Variants in DGKB observed in about 807,000 individuals in gnomAD.
DGKB encodes the protein diacylglycerol kinase beta.
Under a neutral mutation model 114.3 loss-of-function variants are expected in DGKB, and 67 were observed. The ratio of observed to expected loss-of-function variants is 0.59; its 90% confidence interval spans 0.48 to 0.72. DGKB has a LOEUF of 0.72. Ranked by LOEUF, DGKB falls within the 30% of genes least tolerant of loss-of-function variation. The probability of loss-of-function intolerance (pLI) is 0.00; values close to 1 mark genes in which losing one functional copy is unlikely to be tolerated. For missense variants in DGKB, 907 were observed against 975.2 expected (o/e 0.93, Z 0.93); for synonymous variants, 398 against 323.1 (o/e 1.23, Z -2.49).
At chr7:14,821,277 A>G (rs1314984279) in intron 2 of DGKB, among the ~76,000 whole-genome samples, 1 of 152,176 alleles carries the variant, frequency 6.6e-6, no homozygotes. Context: ...CCTATTATAT[A>G]TTAAATGCCA....
At chr7:14,655,326 C>T (rs975406170) in intron 13 of DGKB, among the ~76,000 whole-genome samples, 1 of 151,612 alleles carries the variant, frequency 6.6e-6, no homozygotes, top group Non-Finnish European at 1.5e-5. Context: ...CAAATCAAAA[C>T]CACCATAAGA....
intron 5 of DGKB, among the ~76,000 whole-genome samples, chr7:14,732,248 G>C (rs937150947): frequency 6.6e-6 from 1 of 150,876 alleles, no homozygotes; most frequent in African/African-American, 2.4e-5. Flanking sequence ...TTATTTTTTA[G>C]TTGCTGTATA....
At chr7:14,959,965 A>C (rs1014174728) in intron 1 of DGKB, among the ~76,000 whole-genome samples, 15 of 152,098 alleles carry the variant, frequency 9.9e-5, no homozygotes, top group African/African-American at 3.4e-4. Flanking sequence ...GGGAAAACAT[A>C]ACATTTTCTT....
chr7:14,889,340 T>C (rs181272783), intron 1 of DGKB, among the ~76,000 whole-genome samples: 2 of 151,682 alleles, frequency 1.3e-5, no homozygotes, highest in Non-Finnish European at 3.0e-5. Context: ...TGATCTCTTA[T>C]AATCATCTGA....
intron 21 of DGKB, among the ~76,000 whole-genome samples, chr7:14,394,593 G>C (rs1156820564): frequency 2.6e-5 from 4 of 151,948 alleles, no homozygotes; most frequent in Admixed American, 2.0e-4. Context: ...TCAACCCATC[G>C]AACATGAATG....
intron 20 of DGKB, among the ~76,000 whole-genome samples, chr7:14,495,510 C>A (rs1430553548): frequency 6.6e-6 from 1 of 150,920 alleles, no homozygotes; most frequent in Non-Finnish European, 1.5e-5. Context: ...GAAACAAAAC[C>A]AAGATGACAA....
intron 23 of DGKB, among the ~76,000 whole-genome samples, chr7:14,329,891 G>A (rs1283281827): frequency 6.6e-6 from 1 of 151,898 alleles, no homozygotes; most frequent in Non-Finnish European, 1.5e-5. Flanking sequence ...CTACCACTGG[G>A]TACGTTAAAT....
chr7:14,682,481 C>A, intron 12 of DGKB, 72 bp downstream of exon 12: 1 of 1,040,644 alleles, frequency 9.6e-7, no homozygotes, highest in Non-Finnish European at 1.5e-6. Flanking sequence ...TAGGGTAGGA[C>A]TTTCAGAGAG....
At position 14,673,028 on chromosome 7, in the gene DGKB, C is replaced by G. The variant is rs1302111299; in HGVS notation, c.1036-1G>C. 1 of 1,553,172 alleles carries G rather than the reference C, an allele frequency of 6.4e-7. No individual in the cohort carries two copies. The highest frequency in any genetic ancestry group is 8.7e-7 in the Non-Finnish European group (1 of 1,143,956). On this transcript the variant is annotated splice_acceptor_variant, in intron 12 of 25. Transcript: ENST00000402815. LOFTEE classifies it high-confidence loss of function. Reference sequence around the variant, plus strand: ...GATGAGAAGCACATTTATTATGCAGCTAGAAAAACAGAAAGGGGGATAGTA... The same window carrying G: ...GATGAGAAGCACATTTATTATGCAGGTAGAAAAACAGAAAGGGGGATAGTA...
At chr7:14,336,972 A>C (rs2128571105) in intron 23 of DGKB, among the ~76,000 whole-genome samples, 1 of 152,298 alleles carries the variant, frequency 6.6e-6, no homozygotes, top group East Asian at 1.9e-4. Flanking sequence ...CTTAACCTGG[A>C]AATTATTTTG....
intron 1 of DGKB, among the ~76,000 whole-genome samples, chr7:14,895,425 A>C (rs915413776): frequency 6.6e-6 from 1 of 151,546 alleles, no homozygotes; most frequent in Admixed American, 6.6e-5. Context: ...AGTGGTCCTT[A>C]TGCCTCCTGA....
At chr7:14,360,448 G>A in intron 21 of DGKB, among the ~76,000 whole-genome samples, 1 of 146,968 alleles carries the variant, frequency 6.8e-6, no homozygotes, top group Non-Finnish European at 1.5e-5. Context: ...AGAACTTAAA[G>A]TATATATATA....
chr7:14,533,750 G>T (rs1791975535), intron 20 of DGKB, among the ~76,000 whole-genome samples: 1 of 151,946 alleles, frequency 6.6e-6, no homozygotes, highest in Admixed American at 6.6e-5. Context: ...TTTCAGTCCA[G>T]GAGCGGGTGG....
chr7:14,251,087 C>T (rs1482981061), intron 23 of DGKB, among the ~76,000 whole-genome samples: 1 of 152,050 alleles, frequency 6.6e-6, no homozygotes, highest in East Asian at 1.9e-4. Flanking sequence ...CCATTCAGCC[C>T]CTCTAGGTCT....
At chr7:14,201,331 T>G (rs537892093) in intron 23 of DGKB, among the ~76,000 whole-genome samples, 18 of 152,082 alleles carry the variant, frequency 1.2e-4, no homozygotes, top group Non-Finnish European at 2.2e-4. Flanking sequence ...AATTTCAATA[T>G]ATGAATTTTG....
chr7:14,716,526 T>C (rs1392755434), intron 6 of DGKB, among the ~76,000 whole-genome samples: 1 of 152,210 alleles, frequency 6.6e-6, no homozygotes, highest in Non-Finnish European at 1.5e-5. Context: ...ATTTAGTAAA[T>C]TGTAATCCTT....
At chr7:14,969,934 G>C (rs971757120) in intron 1 of DGKB, among the ~76,000 whole-genome samples, 1 of 152,120 alleles carries the variant, frequency 6.6e-6, no homozygotes, top group African/African-American at 2.4e-5. Flanking sequence ...ACATTATGAA[G>C]TCTAAGACAT....
intron 2 of DGKB, among the ~76,000 whole-genome samples, chr7:14,771,587 C>A (rs1378736180): frequency 1.3e-5 from 2 of 152,064 alleles, no homozygotes; most frequent in East Asian, 3.9e-4. Flanking sequence ...GGGAATTGGG[C>A]CTTACAAATC....
At chr7:14,506,693 G>C (rs896373080) in intron 20 of DGKB, among the ~76,000 whole-genome samples, 22 of 152,154 alleles carry the variant, frequency 1.4e-4, no homozygotes, top group Non-Finnish European at 2.9e-4. Context: ...TAGAGTCCCT[G>C]CCAGTCCAGG....
Sources: gnomAD v4.1 joint callset for allele counts (sites outside exome capture counted in the v4.1 genomes callset) on GRCh38, gnomAD v4.1.1 for gene constraint, MANE v1.5 for transcripts, NCBI Gene and HGNC (gene_info 2026-07-23, HGNC 2026-07-21) for gene names.